SLC17A7: variants seen among roughly 807,000 people sequenced by gnomAD.
The protein encoded by SLC17A7 is solute carrier family 17 member 7.
SLC17A7 carries 15 observed loss-of-function variants against 59.1 expected under a neutral mutation model. The ratio of observed to expected loss-of-function variants is 0.25; its 90% CI spans 0.17 to 0.39. The LOEUF (loss-of-function observed/expected upper bound fraction) is 0.39. Ranked by LOEUF, SLC17A7 falls within the 10% of genes least tolerant of loss-of-function variation. The pLI, the probability that SLC17A7 is intolerant of heterozygous loss-of-function variation, is 1.00. For synonymous variants in SLC17A7, 353 were observed against 308.9 expected (o/e 1.14, Z -1.50); for missense variants, 499 against 765.1 (o/e 0.65, Z 4.10).
At chr19:49,432,232 A>G (rs1370679461) in intron 9 of SLC17A7, among the ~76,000 whole-genome samples, 1 of 152,194 alleles carries the variant, frequency 6.6e-6, no homozygotes, top group Non-Finnish European at 1.5e-5. Context: ...AACTTTGTGC[A>G]GGTCTTGTCC....
At chr19:49,438,531 C>G (rs1278878205) in intron 1 of SLC17A7, among the ~76,000 whole-genome samples, 1 of 151,978 alleles carries the variant, frequency 6.6e-6, no homozygotes, top group African/African-American at 2.4e-5. Flanking sequence ...TGTGAGAACA[C>G]AGCAACCCCT....
intron 4 of SLC17A7, 23 bp downstream of exon 4, chr19:49,434,745 G>A (rs746345151): frequency 1.2e-6 from 2 of 1,613,994 alleles, no homozygotes; most frequent in South Asian, 1.1e-5. Flanking sequence ...GCGAGGGCAG[G>A]GTCATATCAG....
intron 2 of SLC17A7, chr19:49,435,821 G>A (rs1484284410): frequency 6.5e-6 from 1 of 153,896 alleles, no homozygotes; most frequent in East Asian, 1.9e-4. Context: ...CCAGGACTGG[G>A]AGGCCAAGGC....
rs148708021 is a variant in SLC17A7 at position 49,436,742 on chromosome 19, G to A, written c.122C>T (p.Pro41Leu). 3 of 1,609,776 alleles carry A rather than the reference G, an allele frequency of 1.9e-6. No homozygotes were observed. The highest frequency in any genetic ancestry group is 2.5e-6 in the Non-Finnish European group (3 of 1,179,932). ...CGGGTCCCGGGTCTGCGTGGTCACCGGGCGCCCATCCGCACTCAGCTCCAG... is the reference window on the plus strand; with the variant it reads ...CGGGTCCCGGGTCTGCGTGGTCACCAGGCGCCCATCCGCACTCAGCTCCAG... ...ETLELSADGRPVTTQTRDPPV... is the reference protein window; with the variant it reads ...ETLELSADGRLVTTQTRDPPV... Residue 41 changes from proline to leucine, a missense_variant, in exon 2 of 12, where the codon CCG (proline) becomes CTG (leucine). Physicochemically the swap from Pro to Leu is moderately conservative, Grantham distance 98 (BLOSUM62 -3). Around this residue, in one of 3 missense-constraint regions of SLC17A7, gnomAD observed 78 missense variants for 80.4 expected, o/e 0.97. Transcript: ENST00000221485. This position sits in a 1 kb window ranked among gnomAD's most constrained non-coding sequence, Gnocchi z 4.1.
intron 1 of SLC17A7, chr19:49,438,224 A>T (rs1220234848): frequency 6.6e-6 from 1 of 152,658 alleles, no homozygotes; most frequent in African/African-American, 2.4e-5. Flanking sequence ...AAACCTAGAG[A>T]AGGAAGCAGA....
intron 1 of SLC17A7, among the ~76,000 whole-genome samples, chr19:49,439,315 G>A (rs1452172279): frequency 6.6e-6 from 1 of 152,126 alleles, no homozygotes; most frequent in Non-Finnish European, 1.5e-5. Flanking sequence ...GGCACTCCAA[G>A]GTCACAGACA....
rs1172909046 is a variant in SLC17A7, at chr19:49,431,815, T to C, written c.1151-367A>G. 6.6e-6 allele frequency among the ~76,000 whole-genome samples: 1 copy of C among 151,998 alleles called. No individual in the cohort carries two copies. Among genetic ancestry groups the C allele is most frequent in the Non-Finnish European group, 1.5e-5 (1 of 67,968 alleles). ...TTTTTTTAATTTTTGATTTTTTATT[T>C]TTTTTAAGAGACAAAGTCTCACGAC... On this transcript the variant is annotated intron_variant, in intron 9 of 11. Coordinates refer to ENST00000221485, the MANE Select transcript of SLC17A7 (RefSeq NM_020309.4). The surrounding 1 kb of genome is among the most constrained non-coding windows in gnomAD (Gnocchi z 4.6).
chr19:49,430,559 A>G lies in SLC17A7; in HGVS notation c.1643T>C (p.Phe548Ser). The change falls in exon 12 of 12, where the codon TTT (phenylalanine) becomes TCT (serine). Residue 548 changes from phenylalanine (F) to serine (S), a missense_variant. By Grantham distance (155) the Phe-to-Ser change is radical. Around this residue, in one of 3 missense-constraint regions of SLC17A7, gnomAD observed 98 missense variants for 77.5 expected, o/e 1.27. Coordinates refer to ENST00000221485, the MANE Select transcript of SLC17A7 (RefSeq NM_020309.4). ...AGGGGGTGGGGGCCTGGGGGGCTGAAATGTGCTGTGTGTGGCCCCATAGGA... is the reference window on the plus strand; with the variant it reads ...AGGGGGTGGGGGCCTGGGGGGCTGAGATGTGCTGTGTGTGGCCCCATAGGA... The part of the protein sequence containing the change: ...PPSYGATHST[F>S]QPPRPPPPVR... 6.2e-7 allele frequency: 1 copy of G among 1,605,058 alleles called. No homozygotes were observed.
Position 49,430,796 on chromosome 19 carries a change from T to C in SLC17A7, c.1406A>G (p.Gln469Arg). ...CAGGGAGGCAATTAGGAACACGTACTGCCACTCCTCCCGAGTCTGCAGGGG... is the reference window on the plus strand; with the variant it reads ...CAGGGAGGCAATTAGGAACACGTACCGCCACTCCTCCCGAGTCTGCAGGGG... Reference protein sequence around the residue: ...MTKHKTREEWQYVFLIASLVH... With the variant: ...MTKHKTREEWRYVFLIASLVH... The change falls in exon 12 of 12, where the codon CAG becomes CGG. Residue 469 changes from glutamine to arginine, a missense_variant. Physicochemically the swap from Gln to Arg is conservative, Grantham distance 43 (BLOSUM62 1). Coordinates refer to ENST00000221485, the MANE Select transcript of SLC17A7 (RefSeq NM_020309.4). The C allele has an allele frequency of 2.5e-6, 4 of 1,611,462 alleles. No individual in the cohort carries two copies. Among genetic ancestry groups the C allele is most frequent in the Non-Finnish European group, 3.4e-6 (4 of 1,178,258 alleles).
Position 49,436,939 on chromosome 19 carries a change from G to A in SLC17A7, c.63-138C>T, listed in dbSNP as rs930470531. 3 of 1,301,196 alleles carry A rather than the reference G, an allele frequency of 2.3e-6. No homozygotes were observed. The highest frequency in any genetic ancestry group is 3.1e-6 in the Non-Finnish European group (3 of 976,232). The allele number at this position is 1,301,196 out of a possible 1,614,324, so 80.6% of individuals were successfully genotyped here. On this transcript the variant is annotated intron_variant, in intron 1 of 11. Transcript: ENST00000221485. The surrounding 1 kb of genome is among the most constrained non-coding windows in gnomAD (Gnocchi z 4.1). ...CACCTCCTCCTTCACCAAGAGTCCAGGTCCCTGGCTCCCTTCGCCCCCCTG... is the reference window on the plus strand; with the variant it reads ...CACCTCCTCCTTCACCAAGAGTCCAAGTCCCTGGCTCCCTTCGCCCCCCTG...
At chr19:49,435,473 G>A (rs959779434) in intron 2 of SLC17A7, 187 bp from the exon 3 acceptor site, 2 of 565,038 alleles carry the variant, frequency 3.5e-6, no homozygotes, top group Non-Finnish European at 3.2e-6. Context: ...GCTCTTCCAC[G>A]TTGCTAGGGC....
chr19:49,434,528 C>A lies in SLC17A7; in HGVS notation c.637+74G>T. The A allele has an allele frequency of 2.7e-5, 38 of 1,387,982 alleles. No homozygotes were observed. The African/African-American group carries it at 5.3e-4, about 19-fold the overall frequency. 86.0% of individuals were successfully genotyped at this position (1,387,982 alleles called of 1,614,324 possible). A position where few individuals can be genotyped will look rare whatever the true frequency, so the allele number is the denominator to read the frequency against. On this transcript the variant is annotated intron_variant, in intron 5 of 11. Transcript: ENST00000221485. ...GAGTTCAGCCCCCCCAGCCCCTCCCCGCTCAGACCCAACAGTCCAGGCCCC... is the reference window on the plus strand; with the variant it reads ...GAGTTCAGCCCCCCCAGCCCCTCCCAGCTCAGACCCAACAGTCCAGGCCCC...
rs1255099191 is a variant in SLC17A7 at position 49,431,392 on chromosome 19, C to A, written c.1207G>T (p.Val403Leu). 1 of 1,614,180 alleles carries A rather than the reference C, an allele frequency of 6.2e-7. No homozygotes were observed. The highest frequency in any genetic ancestry group is 8.5e-7 in the Non-Finnish European group (1 of 1,180,026). ...GCTAGGACCAGGAAGGAGATGGCCA[C>A]GCCCTTGGAGTGCGAGTAGCCGACC... ...LVVGYSHSKG[V>L]AISFLVLAVG... Residue 403 changes from valine to leucine, a missense_variant, in exon 10 of 12, where the codon GTG becomes TTG. Transcript: ENST00000221485. This position sits in a 1 kb window ranked among gnomAD's most constrained non-coding sequence, Gnocchi z 4.6.
intron 1 of SLC17A7, among the ~76,000 whole-genome samples, chr19:49,440,317 G>A (rs1267210265): frequency 1.3e-5 from 2 of 152,238 alleles, no homozygotes; most frequent in African/African-American, 4.8e-5. Context: ...GCAGGGGCAT[G>A]GTGCTGATGA....
rs764247943 is a variant in SLC17A7 at position 49,433,799 on chromosome 19, C to T, written c.794G>A (p.Ser265Asn). Residue 265 changes from serine (S) to asparagine (N), a missense_variant, in exon 7 of 12, where the codon AGC becomes AAC. Transcript: ENST00000221485. This position sits in a 1 kb window ranked among gnomAD's most constrained non-coding sequence, Gnocchi z 5.7. ...GTACTTGCGCTCCTCCTCCGAGATG[C>T]TGGGGTGCAGCGCGGGGGACTCGTA... ...VSYESPALHP[S>N]ISEEERKYIE... 1.2e-6 allele frequency: 2 copies of T among 1,614,008 alleles called. No individual in the cohort carries two copies. The highest frequency in any genetic ancestry group is 1.7e-6 in the Non-Finnish European group (2 of 1,179,960).
rs1442522057 is a variant in SLC17A7 at position 49,436,320 on chromosome 19, T to G, written c.315+229A>C. 13 of 587,828 alleles carry G rather than the reference T, an allele frequency of 2.2e-5. No homozygotes were observed. The East Asian group carries it at 3.7e-4, about 17-fold the overall frequency. 36.4% of individuals were successfully genotyped at this position (587,828 alleles called of 1,614,324 possible). A position where few individuals can be genotyped will look rare whatever the true frequency, so the allele number is the denominator to read the frequency against. On this transcript the variant is annotated intron_variant, in intron 2 of 11. Transcript: ENST00000221485. This position sits in a 1 kb window ranked among gnomAD's most constrained non-coding sequence, Gnocchi z 4.1. ...ACTCTACATTTTTCAATCAAGCCCC[T>G]GGAAATAAGGGCGGGACTTCATTTA...
intron 1 of SLC17A7, among the ~76,000 whole-genome samples, chr19:49,438,858 T>C (rs2078989442): frequency 6.6e-6 from 1 of 152,082 alleles, no homozygotes; most frequent in African/African-American, 2.4e-5. Context: ...AGATGTCAGA[T>C]CTCTAATCAA....
chr19:49,433,081 C>G lies in SLC17A7; in HGVS notation c.868-121G>C, dbSNP rs778249341. The G allele has an allele frequency of 5.4e-6, 6 of 1,106,054 alleles. No individual in the cohort carries two copies. Among genetic ancestry groups the G allele is most frequent in the Non-Finnish European group, 7.7e-6 (6 of 775,796 alleles). 68.5% of individuals were successfully genotyped at this position (1,106,054 alleles called of 1,614,324 possible). A position where few individuals can be genotyped will look rare whatever the true frequency, so the allele number is the denominator to read the frequency against. On this transcript the variant is annotated intron_variant, in intron 7 of 11. Coordinates refer to ENST00000221485, the MANE Select transcript of SLC17A7 (RefSeq NM_020309.4). The surrounding 1 kb of genome is among the most constrained non-coding windows in gnomAD (Gnocchi z 5.7). ...AAGGATCCCGACCGCACTGAAACTT[C>G]TATGGACCCAAAGGCGCGGGCTACA...
Position 49,431,473 on chromosome 19 carries a change from T to A in SLC17A7, c.1151-25A>T. 6.3e-7 allele frequency: 1 copy of A among 1,596,664 alleles called. No homozygotes were observed. Among genetic ancestry groups the A allele is most frequent in the Non-Finnish European group, 8.6e-7 (1 of 1,166,332 alleles). ...CCTACGGGGGCGGGGGGGGCCCGCG[T>A]CTCCTGAGTGTCGGCCGGAGCAAGG... On this transcript the variant is annotated intron_variant, in intron 9 of 11. Transcript: ENST00000221485. This position sits in a 1 kb window ranked among gnomAD's most constrained non-coding sequence, Gnocchi z 4.6.
Sources: allele counts gnomAD v4.1 joint callset (sites outside exome capture counted in the v4.1 genomes callset), GRCh38; gene constraint gnomAD v4.1.1; regional missense constraint gnomAD v4.1.1; non-coding constraint Gnocchi (gnomAD v3.1); transcripts MANE v1.5; gene names NCBI Gene and HGNC (gene_info 2026-07-23, HGNC 2026-07-21).